Variants in SFMBT2 observed in about 807,000 individuals in gnomAD.
SFMBT2 encodes the protein Scm like with four mbt domains 2.
Under a neutral mutation model 110.1 loss-of-function variants are expected in SFMBT2, and 38 were observed. The ratio of observed to expected loss-of-function variants is 0.35; its 90% CI spans 0.27 to 0.45. SFMBT2 has a LOEUF of 0.45. Among genes scored for constraint, SFMBT2 ranks in the 20% least tolerant of loss-of-function variants. The pLI, the probability that SFMBT2 is intolerant of heterozygous loss-of-function variation, is 1.00. For missense variants in SFMBT2, 1,011 were observed against 1,094.9 expected, an observed-to-expected ratio of 0.92 and a Z score of 1.08; for synonymous variants, 425 against 425.4, an observed-to-expected ratio of 1.00 and a Z score of 0.01.
intron 1 of SFMBT2, among the ~76,000 whole-genome samples, chr10:7,400,017 T>C (rs993541030): frequency 3.3e-5 from 5 of 152,126 alleles, no homozygotes; most frequent in Admixed American, 2.0e-4. Flanking sequence ...ACTGTGATGT[T>C]TGACAAGCCG....
intron 1 of SFMBT2, among the ~76,000 whole-genome samples, chr10:7,395,224 C>A (rs1845891144): frequency 6.6e-6 from 1 of 152,124 alleles, no homozygotes; most frequent in South Asian, 2.1e-4. Context: ...GAGGTGGAGG[C>A]TGCAGTGAGC....
chr10:7,294,909 G>A lies in SFMBT2; in HGVS notation c.437-8955C>T, dbSNP rs117776542. 3.9e-3 allele frequency among the ~76,000 whole-genome samples: 600 copies of A among 152,090 alleles called. 5 individuals carry two copies. The highest frequency in any genetic ancestry group is 6.8e-3 in the Non-Finnish European group (463 of 67,980). On this transcript the variant is annotated intron_variant, in intron 4 of 20. Coordinates refer to ENST00000397167, the MANE Select transcript of SFMBT2 (RefSeq NM_001387889.1). ...GTATCATTACACTATGACAATTCAGGTTTCCCTTCTGGGAACTCCCTATTC... is the reference window on the plus strand; with the variant it reads ...GTATCATTACACTATGACAATTCAGATTTCCCTTCTGGGAACTCCCTATTC...
At chr10:7,299,949 C>A (rs896584772) in intron 4 of SFMBT2, among the ~76,000 whole-genome samples, 1 of 152,116 alleles carries the variant, frequency 6.6e-6, no homozygotes, top group Admixed American at 6.5e-5. Context: ...CACATATACA[C>A]CATGCAGCCA....
At chr10:7,264,993 G>C (rs924704319) in intron 7 of SFMBT2, among the ~76,000 whole-genome samples, 1 of 150,312 alleles carries the variant, frequency 6.7e-6, no homozygotes, top group Non-Finnish European at 1.5e-5. Context: ...AGCCTAGTCC[G>C]TGATCACTTT....
intron 7 of SFMBT2, among the ~76,000 whole-genome samples, chr10:7,268,661 C>T (rs534384055): frequency 6.6e-6 from 1 of 152,236 alleles, no homozygotes; most frequent in African/African-American, 2.4e-5. Context: ...CAGGTGCCCA[C>T]CACCACGCCC....
At chr10:7,220,760 T>C (rs1307167242) in intron 10 of SFMBT2, among the ~76,000 whole-genome samples, 1 of 151,930 alleles carries the variant, frequency 6.6e-6, no homozygotes, top group African/African-American at 2.4e-5. Flanking sequence ...AGGTGCCTAA[T>C]ACTATTTGTT....
rs371654344 is a variant in SFMBT2 at position 7,293,159 on chromosome 10, C to T, written c.437-7205G>A. Among the ~76,000 whole-genome samples the T allele has an allele frequency of 1.3e-3, 202 of 152,220 alleles. 8 individuals carry two copies. In the South Asian group the frequency reaches 0.04, roughly 30 times the overall value. On this transcript the variant is annotated intron_variant, in intron 4 of 20. Coordinates refer to ENST00000397167, the MANE Select transcript of SFMBT2 (RefSeq NM_001387889.1). This position sits in a 1 kb window ranked among gnomAD's most constrained non-coding sequence, Gnocchi z 4.6. ...CACCTCCTGGGTTCAAGCGATTCTC[C>T]TACCTCAGCCTCCCAAGCAGCTGGG... is the stretch of plus-strand genomic sequence containing the variant.
intron 4 of SFMBT2, among the ~76,000 whole-genome samples, chr10:7,303,255 A>C (rs1842601698): frequency 6.6e-6 from 1 of 152,256 alleles, no homozygotes; most frequent in Non-Finnish European, 1.5e-5. Flanking sequence ...TTAAGCAATG[A>C]AATGTAGCAG....
At chr10:7,183,513 G>A (rs1393493445) in intron 16 of SFMBT2, among the ~76,000 whole-genome samples, 3 of 152,272 alleles carry the variant, frequency 2.0e-5, no homozygotes, top group South Asian at 4.1e-4. Context: ...GTTGAGATTC[G>A]ACAGATACAG....
At chr10:7,213,383 A>G (rs781627727) in intron 11 of SFMBT2, among the ~76,000 whole-genome samples, 9 of 152,062 alleles carry the variant, frequency 5.9e-5, no homozygotes, top group Admixed American at 2.0e-4. Flanking sequence ...GAAATCACAG[A>G]GCCAGGGAGG....
At chr10:7,276,720 G>T (rs1195064243) in intron 7 of SFMBT2, among the ~76,000 whole-genome samples, 172 bp downstream of exon 7, 2 of 151,972 alleles carry the variant, frequency 1.3e-5, no homozygotes, top group Non-Finnish European at 2.9e-5. Flanking sequence ...TAGAAATAGG[G>T]TTTCACCATG....
intron 4 of SFMBT2, among the ~76,000 whole-genome samples, chr10:7,344,605 C>T (rs1844043979): frequency 6.6e-6 from 1 of 152,096 alleles, no homozygotes; most frequent in Non-Finnish European, 1.5e-5. Context: ...ATACAACCAC[C>T]ATGCAAGAAG....
chr10:7,185,991 A>G (rs994407330), intron 16 of SFMBT2, among the ~76,000 whole-genome samples: 2 of 152,178 alleles, frequency 1.3e-5, no homozygotes, highest in Non-Finnish European at 2.9e-5. Context: ...CCTGGCATAA[A>G]AGCTAGCAAA....
At position 7,322,620 on chromosome 10, in the gene SFMBT2, CA is replaced by C. The variant is rs528662151; in HGVS notation, c.437-36667del. Among the ~76,000 whole-genome samples, 1,046 of 152,136 alleles carry C rather than the reference CA, an allele frequency of 6.9e-3. 17 individuals are homozygous for C. Among genetic ancestry groups the C allele is most frequent in the African/African-American group, 0.024 (996 of 41,484 alleles). The stretch of plus-strand genomic sequence containing the variant: ...AACTTATGGAAGACACACACACACA[CA>C]CACACACACATACACAGCACAGCAC... On this transcript the variant is annotated intron_variant, in intron 4 of 20. Coordinates refer to ENST00000397167, the MANE Select transcript of SFMBT2 (RefSeq NM_001387889.1).
chr10:7,197,407 C>G, intron 15 of SFMBT2, 141 bp downstream of exon 15: 1 of 1,169,454 alleles, frequency 8.6e-7, no homozygotes. Context: ...TGGCTTCAGC[C>G]CACAGGATGG....
rs559660005 is a variant in SFMBT2, at chr10:7,172,027, G to A, written c.2283C>T (p.Val761=). 9 of 1,586,872 alleles carry A rather than the reference G, an allele frequency of 5.7e-6. No individual in the cohort carries two copies. The East Asian group carries it at 1.6e-4, about 28-fold the overall frequency. Reference sequence around the variant, plus strand: ...CGGGCTCTGAGCCGCTCCGCAGGGTGACGGCCCTCCGGGGCCGGGCCGAGG... The same window carrying A: ...CGGGCTCTGAGCCGCTCCGCAGGGTAACGGCCCTCCGGGGCCGGGCCGAGG... ...EVPSARPRRA[V]TLRSGSEPVR... The change falls in exon 19 of 21, where the codon GTC becomes GTT. Residue 761 remains valine, a synonymous_variant. Coordinates refer to ENST00000397167, the MANE Select transcript of SFMBT2 (RefSeq NM_001387889.1). This position sits in a 1 kb window ranked among gnomAD's most constrained non-coding sequence, Gnocchi z 4.6.
At chr10:7,280,513 C>T (rs183321222) in intron 6 of SFMBT2, among the ~76,000 whole-genome samples, 1 of 152,188 alleles carries the variant, frequency 6.6e-6, no homozygotes, top group Non-Finnish European at 1.5e-5. Flanking sequence ...ATCTAAAAGT[C>T]TATCTTATTT....
intron 7 of SFMBT2, chr10:7,249,219 G>T: frequency 5.1e-6 from 1 of 196,364 alleles, no homozygotes; most frequent in Non-Finnish European, 9.2e-6. Context: ...CCCCACAGAC[G>T]ATTAGAACCT....
At chr10:7,177,505 G>C (rs2131545557) in intron 16 of SFMBT2, among the ~76,000 whole-genome samples, 1 of 152,282 alleles carries the variant, frequency 6.6e-6, no homozygotes, top group Non-Finnish European at 1.5e-5. Context: ...GGCTTTCAAT[G>C]AGGTAATTAA....
Sources: allele counts gnomAD v4.1 joint callset (sites outside exome capture counted in the v4.1 genomes callset), GRCh38; gene constraint gnomAD v4.1.1; non-coding constraint Gnocchi (gnomAD v3.1); transcripts MANE v1.5; gene names NCBI Gene and HGNC (gene_info 2026-07-23, HGNC 2026-07-21).